Variants in DAW1 observed in about 807,000 individuals in gnomAD.
The protein encoded by DAW1 is dynein assembly factor with WD repeats 1.
Under a neutral mutation model 56.5 loss-of-function variants are expected in DAW1, and 47 were observed. The observed-to-expected ratio is 0.83, with a 90% CI of 0.66 to 1.06. The LOEUF is 1.06. Ranked by LOEUF, DAW1 falls within the 50% of genes least tolerant of loss-of-function variation. The pLI, the probability that DAW1 is intolerant of heterozygous loss-of-function variation, is 0.00. For missense variants in DAW1, 505 were observed against 499.3 expected (o/e 1.01, Z -0.11); for synonymous variants, 190 against 179.0 (o/e 1.06, Z -0.49).
In DAW1 at chr2:227,889,747, C is replaced by T. The variant is rs544190248; in HGVS notation, c.114-109C>T. ...TTGGGAAAGATAATGGTGTTTTTGA[C>T]ATTTTATAAATGTGCTTCATGAAGC... is the stretch of plus-strand genomic sequence containing the variant. On this transcript the variant is annotated intron_variant, in intron 2 of 12. Coordinates refer to ENST00000309931, the MANE Select transcript of DAW1 (RefSeq NM_178821.3). 13 of 946,502 alleles carry T rather than the reference C, an allele frequency of 1.4e-5. No homozygotes were observed. In the South Asian group the frequency reaches 3.2e-4, roughly 23 times the overall value. The allele number at this position is 946,502 out of a possible 1,614,324, so 58.6% of individuals were successfully genotyped here.
chr2:227,900,869 C>A (rs1325278758), intron 6 of DAW1, among the ~76,000 whole-genome samples: 8 of 152,174 alleles, frequency 5.3e-5, no homozygotes, highest in South Asian at 2.1e-4. Context: ...CCTTGGCACA[C>A]CTATAGCCCA....
chr2:227,915,930 A>G (rs1044025487), intron 10 of DAW1, among the ~76,000 whole-genome samples: 1 of 152,150 alleles, frequency 6.6e-6, no homozygotes, highest in Non-Finnish European at 1.5e-5. Context: ...AGGACAATTT[A>G]TAATGCTACA....
intron 1 of DAW1, among the ~76,000 whole-genome samples, chr2:227,880,606 A>C (rs1325835594): frequency 6.6e-6 from 1 of 152,210 alleles, no homozygotes; most frequent in East Asian, 1.9e-4. Context: ...TTCTTGAGTC[A>C]CTAAAAGCAT....
At chr2:227,882,980 G>A (rs1450882327) in intron 1 of DAW1, among the ~76,000 whole-genome samples, 2 of 152,108 alleles carry the variant, frequency 1.3e-5, no homozygotes, top group African/African-American at 4.8e-5. Flanking sequence ...GTTCTTTATA[G>A]CAATATAAAA....
rs371284110 is a variant in DAW1 at position 227,904,852 on chromosome 2, T to G, written c.649-77T>G. 4.7e-4 allele frequency: 644 copies of G among 1,372,240 alleles called. 10 individuals carry two copies. The South Asian group carries it at 7.8e-3, about 17-fold the overall frequency. 85.0% of individuals were successfully genotyped at this position (1,372,240 alleles called of 1,614,324 possible). ...AGCTCGGCCTTCTCCAGCATTTCCT[T>G]TTAGACTATGATATTGTACGCTTGC... On this transcript the variant is annotated intron_variant, in intron 7 of 12. Coordinates refer to ENST00000309931, the MANE Select transcript of DAW1 (RefSeq NM_178821.3).
intron 5 of DAW1, 40 bp downstream of exon 5, chr2:227,893,957 T>C: frequency 6.6e-7 from 1 of 1,506,512 alleles, no homozygotes; most frequent in Admixed American, 2.3e-5. Context: ...TTAATTCATT[T>C]ATTCATCCCT....
intron 10 of DAW1, among the ~76,000 whole-genome samples, chr2:227,912,731 G>T (rs955854544): frequency 6.6e-6 from 1 of 152,094 alleles, no homozygotes; most frequent in Non-Finnish European, 1.5e-5. Flanking sequence ...ATGTAGGATG[G>T]CATATTCTGG....
chr2:227,918,970 A>C (rs1187333147), intron 11 of DAW1, 114 bp downstream of exon 11: 1 of 1,066,594 alleles, frequency 9.4e-7, no homozygotes, highest in African/African-American at 1.6e-5. Context: ...AAAGGTGAGA[A>C]GATTGCTTGA....
At chr2:227,920,381 A>G (rs1470234107) in intron 11 of DAW1, among the ~76,000 whole-genome samples, 3 of 152,010 alleles carry the variant, frequency 2.0e-5, no homozygotes, top group Non-Finnish European at 4.4e-5. Context: ...CCCTCCTCAA[A>G]CCTTCAGTCA....
At chr2:227,883,957 T>C (rs1691066887) in intron 1 of DAW1, among the ~76,000 whole-genome samples, 1 of 152,138 alleles carries the variant, frequency 6.6e-6, no homozygotes, top group Non-Finnish European at 1.5e-5. Flanking sequence ...TTTAAGAGTG[T>C]AAGGTGATCC....
chr2:227,898,247 G>A lies in DAW1; in HGVS notation c.506G>A (p.Cys169Tyr). ...CKLWSVETGK[C>Y]YHTFRGHTAE... ...CTCTGGAGTGTGGAAACAGGAAAATGTTACCATACCTTCAGGGGTCATACA... is the reference window on the plus strand; with the variant it reads ...CTCTGGAGTGTGGAAACAGGAAAATATTACCATACCTTCAGGGGTCATACA... The change falls in exon 6 of 13, where the codon TGT becomes TAT. Residue 169 changes from cysteine (C) to tyrosine (Y), a missense_variant. Physicochemically the swap from Cys to Tyr is radical, Grantham distance 194. Transcript: ENST00000309931. 2 of 1,574,734 alleles carry A rather than the reference G, an allele frequency of 1.3e-6. No homozygotes were observed. Among genetic ancestry groups the A allele is most frequent in the East Asian group, 2.3e-5 (1 of 44,022 alleles).
chr2:227,875,625 C>A (rs565045251), intron 1 of DAW1, among the ~76,000 whole-genome samples: 2 of 152,278 alleles, frequency 1.3e-5, no homozygotes, highest in East Asian at 3.9e-4. Flanking sequence ...AAAGTCTTTC[C>A]TCAAAATTGT....
At chr2:227,886,573 C>T (rs1029136450) in intron 2 of DAW1, among the ~76,000 whole-genome samples, 8 of 151,972 alleles carry the variant, frequency 5.3e-5, no homozygotes, top group Admixed American at 1.3e-4. Context: ...GCTGAGATCG[C>T]GGTGCTGTAC....
At chr2:227,917,762 G>A (rs1425515973) in intron 10 of DAW1, among the ~76,000 whole-genome samples, 2 of 151,960 alleles carry the variant, frequency 1.3e-5, no homozygotes, top group African/African-American at 2.4e-5. Flanking sequence ...ATGTCCAACC[G>A]AATTTCAAGT....
intron 6 of DAW1, 37 bp downstream of exon 6, chr2:227,898,318 T>A: frequency 4.8e-6 from 5 of 1,036,258 alleles, no homozygotes; most frequent in Non-Finnish European, 6.2e-6. Context: ...ATTTTATGTA[T>A]ATATATATAT....
In DAW1 at chr2:227,893,196, G is replaced by A. The variant is rs572696812; in HGVS notation, c.318-599G>A. On this transcript the variant is annotated intron_variant, in intron 4 of 12. Coordinates refer to ENST00000309931, the MANE Select transcript of DAW1 (RefSeq NM_178821.3). ...GAGGCAGGATAATCGCTTGAACCCC[G>A]GAGGCAGAGGTGGCAGTGAGCTGAG... Among the ~76,000 whole-genome samples the A allele has an allele frequency of 1.9e-3, 293 of 151,548 alleles. 2 individuals are homozygous for A. The highest frequency in any genetic ancestry group is 6.8e-3 in the Middle Eastern group (2 of 294).
intron 4 of DAW1, among the ~76,000 whole-genome samples, chr2:227,891,790 A>G (rs16824137): frequency 0.068 from 10,413 of 152,294 alleles, 371 homozygotes; most frequent in Middle Eastern, 0.099. Context: ...CACAAACTAG[A>G]CATAAAATAA....
chr2:227,911,176 TTA>T (rs778354948), intron 10 of DAW1, among the ~76,000 whole-genome samples: 9 of 131,858 alleles, frequency 6.8e-5, no homozygotes, highest in East Asian at 6.3e-4. Flanking sequence ...TCATGTATAG[TTA>T]TATATATATG....
chr2:227,884,642 C>T (rs893319442), intron 1 of DAW1, among the ~76,000 whole-genome samples: 1 of 152,178 alleles, frequency 6.6e-6, no homozygotes, highest in African/African-American at 2.4e-5. Context: ...GGCCTGCTGT[C>T]ACTGAGTGGC....
Sources: gnomAD v4.1 joint callset for allele counts (sites outside exome capture counted in the v4.1 genomes callset) on GRCh38, gnomAD v4.1.1 for gene constraint, MANE v1.5 for transcripts, NCBI Gene and HGNC (gene_info 2026-07-23, HGNC 2026-07-21) for gene names.